Variants in PCDH15 observed in about 807,000 individuals in gnomAD.
PCDH15 encodes the protein protocadherin-15.
In PCDH15, 129 loss-of-function variants were observed where a neutral mutation model predicts 178.5. The observed-to-expected ratio is 0.72, with a 90% confidence interval of 0.63 to 0.84. PCDH15 has a LOEUF of 0.84. PCDH15 is among the 40% of genes least tolerant of loss of function. The pLI is 0.00. For synonymous variants in PCDH15, 800 were observed against 732.0 expected (o/e 1.09, Z -1.50); for missense variants, 2,230 against 2,099.9 (o/e 1.06, Z -1.21).
intron 2 of PCDH15, among the ~76,000 whole-genome samples, chr10:55,548,717 A>G (rs1841942502): frequency 6.6e-6 from 1 of 152,174 alleles, no homozygotes; most frequent in African/African-American, 2.4e-5. Flanking sequence ...CTTTCTGCAC[A>G]GCAAAGGAAG....
chr10:54,405,486 T>C (rs73251654), intron 3 of PCDH15, among the ~76,000 whole-genome samples: 2,978 of 151,864 alleles, frequency 0.02, 102 homozygotes, highest in African/African-American at 0.066. Context: ...TTAATGATGA[T>C]AACATGTGGA....
chr10:53,971,818 G>A (rs10825178), intron 21 of PCDH15, among the ~76,000 whole-genome samples: 77,935 of 151,998 alleles, frequency 0.51, 21,707 homozygotes, highest in Middle Eastern at 0.69. Context: ...AACATTCCAT[G>A]CTCATGGATA....
chr10:55,497,452 C>T (rs1255416425), intron 2 of PCDH15, among the ~76,000 whole-genome samples: 1 of 151,730 alleles, frequency 6.6e-6, no homozygotes, highest in Non-Finnish European at 1.5e-5. Context: ...TTTTTAAAAA[C>T]CTTTGATTTC....
At chr10:55,448,178 T>C (rs1328960942) in intron 2 of PCDH15, among the ~76,000 whole-genome samples, 8 of 151,952 alleles carry the variant, frequency 5.3e-5, no homozygotes, top group Admixed American at 5.3e-4. Flanking sequence ...GACAGGGGGA[T>C]CGTAATTCCA....
chr10:54,721,227 A>G (rs1465629839), intron 1 of PCDH15, among the ~76,000 whole-genome samples: 1 of 152,000 alleles, frequency 6.6e-6, no homozygotes, highest in Non-Finnish European at 1.5e-5. Flanking sequence ...TCTGGGATAC[A>G]ACAAAGAAAA....
At chr10:55,625,089 T>A (rs954784721) in intron 2 of PCDH15, among the ~76,000 whole-genome samples, 5 of 152,172 alleles carry the variant, frequency 3.3e-5, no homozygotes, top group Admixed American at 2.0e-4. Flanking sequence ...ATCATAATGT[T>A]TAGTTAAAGC....
At chr10:54,377,939 G>A (rs1325839671) in intron 4 of PCDH15, among the ~76,000 whole-genome samples, 1 of 151,614 alleles carries the variant, frequency 6.6e-6, no homozygotes, top group African/African-American at 2.4e-5. Flanking sequence ...TTTTTTTTGA[G>A]GTAGTGTCTC....
intron 1 of PCDH15, among the ~76,000 whole-genome samples, chr10:54,756,696 G>C (rs1947170244): frequency 7.7e-6 from 1 of 129,592 alleles, no homozygotes; most frequent in Admixed American, 8.6e-5. Context: ...GTGTCTTTCT[G>C]TCTGTCTGTC....
chr10:53,836,495 C>T (rs2077315844), intron 29 of PCDH15, among the ~76,000 whole-genome samples: 1 of 136,374 alleles, frequency 7.3e-6, no homozygotes, highest in Non-Finnish European at 1.6e-5. Flanking sequence ...AGTAAGAAGA[C>T]TGAGAAAACC....
At chr10:54,005,436 A>T (rs1439322935) in intron 20 of PCDH15, among the ~76,000 whole-genome samples, 1 of 152,166 alleles carries the variant, frequency 6.6e-6, no homozygotes, top group Non-Finnish European at 1.5e-5. Context: ...AACAGAATAT[A>T]TAAGCAGTTC....
intron 1 of PCDH15, among the ~76,000 whole-genome samples, chr10:54,773,265 T>C (rs772205557): frequency 1.3e-5 from 2 of 152,164 alleles, no homozygotes; most frequent in Non-Finnish European, 2.9e-5. Flanking sequence ...CTGAAGACTT[T>C]TTTTTTTCTT....
intron 2 of PCDH15, among the ~76,000 whole-genome samples, chr10:55,441,182 A>G (rs1489424227): frequency 1.3e-5 from 2 of 152,204 alleles, no homozygotes; most frequent in East Asian, 3.8e-4. Flanking sequence ...CTACTGAAAC[A>G]ACCAGCTCTG....
intron 28 of PCDH15, among the ~76,000 whole-genome samples, chr10:53,842,395 A>C (rs1481293126): frequency 6.6e-6 from 1 of 151,968 alleles, no homozygotes; most frequent in African/African-American, 2.4e-5. Context: ...ACAGGCATGC[A>C]CCACCACACC....
chr10:54,383,267 T>C (rs1319873608), intron 3 of PCDH15, among the ~76,000 whole-genome samples: 1 of 151,478 alleles, frequency 6.6e-6, no homozygotes, highest in African/African-American at 2.4e-5. Context: ...TATGCATATG[T>C]AAAATATAAA....
intron 13 of PCDH15, among the ~76,000 whole-genome samples, chr10:54,179,271 G>A (rs11004122): frequency 1.5e-4 from 23 of 151,936 alleles, no homozygotes; most frequent in African/African-American, 5.1e-4. Flanking sequence ...CCTTTGTAGG[G>A]ACATAGATGA....
At chr10:54,666,845 T>C (rs2094580363) in intron 1 of PCDH15, among the ~76,000 whole-genome samples, 1 of 152,052 alleles carries the variant, frequency 6.6e-6, no homozygotes, top group South Asian at 2.1e-4. Flanking sequence ...TATAGTATTA[T>C]GCATTCACAA....
At position 55,542,261 on chromosome 10, in the gene PCDH15, AC is replaced by A. The variant is rs1212824153; in HGVS notation, c.-156+85363del. On this transcript the variant is annotated intron_variant, in intron 2 of 5. Coordinates refer to the PCDH15 transcript ENST00000613346. Reference sequence around the variant, plus strand: ...TATGCCTGTATGTGTACATGTATGTACAGTATGTCTATATTATGTATATATG... The same window carrying A: ...TATGCCTGTATGTGTACATGTATGTAAGTATGTCTATATTATGTATATATG... Among the ~76,000 whole-genome samples the A allele has an allele frequency of 4.0e-5, 6 of 151,304 alleles. No individual in the cohort carries two copies. The East Asian group carries it at 9.7e-4, about 25-fold the overall frequency.
intron 2 of PCDH15, among the ~76,000 whole-genome samples, chr10:55,366,394 C>T (rs1396444010): frequency 6.6e-6 from 1 of 151,774 alleles, no homozygotes; most frequent in African/African-American, 2.4e-5. Context: ...ACAGTTGTTC[C>T]CAAACAATAA....
chr10:54,744,755 C>G (rs1340324951), intron 1 of PCDH15, among the ~76,000 whole-genome samples: 22 of 152,044 alleles, frequency 1.4e-4, no homozygotes, highest in Non-Finnish European at 4.4e-5. Context: ...GTCTCCTTCT[C>G]TGGCAGTAAT....
Sources: allele counts gnomAD v4.1 joint callset (sites outside exome capture counted in the v4.1 genomes callset), GRCh38; gene constraint gnomAD v4.1.1; transcripts MANE v1.5; gene names NCBI Gene and HGNC (gene_info 2026-07-23, HGNC 2026-07-21).